METTL6: variants seen among roughly 807,000 people sequenced by gnomAD.
The protein encoded by METTL6 is tRNA N(3)-cytidine methyltransferase METTL6.
METTL6 carries 22 observed loss-of-function variants against 26.4 expected under a neutral mutation model. The ratio of observed to expected loss-of-function variants is 0.83; its 90% CI spans 0.59 to 1.19. The LOEUF (loss-of-function observed/expected upper bound fraction) is 1.19. Among genes scored for constraint, METTL6 ranks in the 50% most tolerant of loss-of-function variants. METTL6 has a pLI of 0.00. For synonymous variants in METTL6, 109 were observed against 116.2 expected, an observed-to-expected ratio of 0.94 and a Z score of 0.40; for missense variants, 304 against 324.8, an observed-to-expected ratio of 0.94 and a Z score of 0.49.
At chr3:15,421,222 T>C (rs1464694070) in intron 3 of METTL6, among the ~76,000 whole-genome samples, 1 of 152,242 alleles carries the variant, frequency 6.6e-6, no homozygotes, top group Non-Finnish European at 1.5e-5. Flanking sequence ...CTAAGCTTCA[T>C]AGATGTCTTG....
chr3:15,426,002 A>G (rs1483367641), intron 2 of METTL6, among the ~76,000 whole-genome samples: 2 of 152,050 alleles, frequency 1.3e-5, no homozygotes, highest in Non-Finnish European at 2.9e-5. Context: ...GTGCAGTGGC[A>G]CAATCTCGGC....
At chr3:15,394,542 T>G (rs1318847354) in intron 6 of METTL6, among the ~76,000 whole-genome samples, 4 of 152,212 alleles carry the variant, frequency 2.6e-5, no homozygotes, top group Non-Finnish European at 5.9e-5. Context: ...TCTGCTAGCT[T>G]TTGAATATGT....
exon 7 of METTL6, chr3:15,382,340 C>T (rs1460909553): frequency 6.6e-6 from 1 of 152,160 alleles, no homozygotes; most frequent in Non-Finnish European, 1.5e-5. Context: ...AATCATCTAT[C>T]TATGTGCTAC....
intron 6 of METTL6, among the ~76,000 whole-genome samples, chr3:15,393,013 T>G (rs200981975): frequency 1.3e-5 from 2 of 152,084 alleles, no homozygotes; most frequent in East Asian, 1.9e-4. Flanking sequence ...CTTTAAAGTA[T>G]TTTTTTCCAA....
intron 5 of METTL6, among the ~76,000 whole-genome samples, chr3:15,413,162 T>C (rs1253242289): frequency 2.0e-5 from 3 of 152,202 alleles, no homozygotes; most frequent in Non-Finnish European, 4.4e-5. Flanking sequence ...TGAGAATCAC[T>C]TGAGCCTGGG....
chr3:15,406,589 TATATATATATATATATA>T (rs1559485532), downstream of METTL6, among the ~76,000 whole-genome samples: 3 of 3,028 alleles, frequency 9.9e-4, no homozygotes, highest in African/African-American at 1.5e-3. Flanking sequence ...CAAACAGTTA[TATATATATATATATATA>T]TATATATATA....
chr3:15,396,552 G>C (rs188477584), intron 6 of METTL6, among the ~76,000 whole-genome samples: 1 of 152,342 alleles, frequency 6.6e-6, no homozygotes, highest in East Asian at 1.9e-4. Flanking sequence ...TTCCTTTGGA[G>C]GAGGAGAGGC....
At chr3:15,406,326 A>G (rs1699782426), downstream of METTL6, among the ~76,000 whole-genome samples, 1 of 151,398 alleles carries the variant, frequency 6.6e-6, no homozygotes, top group Non-Finnish European at 1.5e-5. Flanking sequence ...TGTTGTATTA[A>G]TTTAGGGTGC....
intron 4 of METTL6, chr3:15,414,399 A>C: frequency 8.7e-7 from 1 of 1,155,364 alleles, no homozygotes; most frequent in South Asian, 2.1e-5. Context: ...TCTGTCGCCC[A>C]GGCTGGAGTG....
intron 6 of METTL6, among the ~76,000 whole-genome samples, chr3:15,404,300 C>T (rs1699729872): frequency 6.6e-6 from 1 of 152,174 alleles, no homozygotes; most frequent in East Asian, 1.9e-4. Context: ...AAATACCACA[C>T]ATTTGAGGAG....
intron 6 of METTL6, among the ~76,000 whole-genome samples, chr3:15,390,790 T>C (rs564500731): frequency 2.0e-5 from 3 of 152,322 alleles, no homozygotes; most frequent in Admixed American, 6.5e-5. Context: ...CCCAGGTTCT[T>C]GTCCAGCATC....
intron 6 of METTL6, among the ~76,000 whole-genome samples, chr3:15,390,959 T>A (rs1699328332): frequency 6.6e-6 from 1 of 152,060 alleles, no homozygotes; most frequent in South Asian, 2.1e-4. Flanking sequence ...TACTGGGCGA[T>A]CAAAGTGGCT....
chr3:15,419,150 C>A (rs894228460), intron 3 of METTL6, among the ~76,000 whole-genome samples: 1 of 148,894 alleles, frequency 6.7e-6, no homozygotes, highest in South Asian at 2.1e-4. Context: ...CACAGTGAGA[C>A]CTTGTCCAAA....
chr3:15,407,989 G>A (rs1026024874), downstream of METTL6, among the ~76,000 whole-genome samples: 1 of 152,154 alleles, frequency 6.6e-6, no homozygotes, highest in Non-Finnish European at 1.5e-5. Flanking sequence ...TTATCCTTAA[G>A]TGTATAAGAC....
At chr3:15,418,731 T>C (rs1457944945) in intron 3 of METTL6, among the ~76,000 whole-genome samples, 6 of 152,168 alleles carry the variant, frequency 3.9e-5, no homozygotes, top group Non-Finnish European at 7.4e-5. Flanking sequence ...TAGGTGATTA[T>C]GTCTAAATCC....
chr3:15,419,019 T>C (rs1259070358), intron 3 of METTL6, among the ~76,000 whole-genome samples: 1 of 152,044 alleles, frequency 6.6e-6, no homozygotes, highest in Non-Finnish European at 1.5e-5. Context: ...TTTTTAAAAA[T>C]TAGCCAGGCA....
Position 15,425,147 on chromosome 3 carries a change from C to T in METTL6, c.226-58G>A, listed in dbSNP as rs1575441483. On this transcript the variant is annotated intron_variant, in intron 2 of 5. Coordinates refer to ENST00000383790, the MANE Select transcript of METTL6 (RefSeq NM_152396.4). ...CACATTTGCATAATGAAGAAATAAA[C>T]CAAACTAAAAGGTCCAGAATATGAG... 58 of 1,592,200 alleles carry T rather than the reference C, an allele frequency of 3.6e-5. No homozygotes were observed. In the East Asian group the frequency reaches 1.3e-3, roughly 35 times the overall value.
chr3:15,407,566 T>G (rs73142289), downstream of METTL6, among the ~76,000 whole-genome samples: 846 of 152,288 alleles, frequency 5.6e-3, 7 homozygotes, highest in African/African-American at 0.018. Context: ...ATAGCTACCC[T>G]TCTAAGGGAC....
intron 3 of METTL6, among the ~76,000 whole-genome samples, chr3:15,418,719 T>C (rs771826315): frequency 6.6e-6 from 1 of 151,992 alleles, no homozygotes; most frequent in African/African-American, 2.4e-5. Context: ...AAGAGCAATA[T>C]ATAGGTGATT....
Sources: gnomAD v4.1 joint callset for allele counts (sites outside exome capture counted in the v4.1 genomes callset) on GRCh38, gnomAD v4.1.1 for gene constraint, MANE v1.5 for transcripts, NCBI Gene and HGNC (gene_info 2026-07-23, HGNC 2026-07-21) for gene names.